The following ALDH8A1 variants were observed in gnomAD, a reference collection of about 807,000 sequenced individuals.
ALDH8A1 encodes 2-aminomuconic semialdehyde dehydrogenase.
A neutral mutation model predicts 43.3 loss-of-function variants in ALDH8A1; 39 were observed. The ratio of observed to expected loss-of-function variants is 0.90; its 90% CI spans 0.70 to 1.18. ALDH8A1 has a LOEUF of 1.18. ALDH8A1 is among the 50% of genes most tolerant of loss of function. ALDH8A1 has a pLI of 0.00. For synonymous variants in ALDH8A1, 233 were observed against 243.5 expected (o/e 0.96, Z 0.40); for missense variants, 605 against 622.6 (o/e 0.97, Z 0.30).
intron 4 of ALDH8A1, among the ~76,000 whole-genome samples, chr6:134,938,481 G>A (rs1773789498): frequency 6.6e-6 from 1 of 152,128 alleles, no homozygotes; most frequent in African/African-American, 2.4e-5. Context: ...CAGTCCCAAA[G>A]GCAGGAAAAA....
chr6:134,939,840 T>C (rs1214798302), intron 3 of ALDH8A1, among the ~76,000 whole-genome samples: 4 of 152,122 alleles, frequency 2.6e-5, no homozygotes, highest in Non-Finnish European at 4.4e-5. Context: ...TCATCAATAA[T>C]GGATTGGATA....
chr6:134,949,302 A>G (rs763168234), intron 1 of ALDH8A1, among the ~76,000 whole-genome samples: 12 of 152,212 alleles, frequency 7.9e-5, no homozygotes, highest in Non-Finnish European at 1.6e-4. Flanking sequence ...TTAATTCTAC[A>G]TCACCAAAAA....
At chr6:134,934,513 C>T (rs758222995) in intron 4 of ALDH8A1, among the ~76,000 whole-genome samples, 3 of 152,132 alleles carry the variant, frequency 2.0e-5, no homozygotes, top group South Asian at 2.1e-4. Flanking sequence ...CCCGAGGATA[C>T]GTAGTGAGGG....
At chr6:134,923,744 C>T (rs1233208732) in intron 6 of ALDH8A1, among the ~76,000 whole-genome samples, 1 of 152,112 alleles carries the variant, frequency 6.6e-6, no homozygotes, top group Non-Finnish European at 1.5e-5. Context: ...TTGTCCACAG[C>T]TTCTGCAGCT....
intron 5 of ALDH8A1, among the ~76,000 whole-genome samples, chr6:134,932,206 C>T (rs1327921498): frequency 1.3e-5 from 2 of 152,080 alleles, no homozygotes; most frequent in African/African-American, 4.8e-5. Context: ...CTTTGGAATG[C>T]CATAGCCTTA....
Position 134,918,651 on chromosome 6 carries a change from C to G in ALDH8A1, c.1228G>C (p.Glu410Gln). ...VPFDSEEEVI[E>Q]RANNVKYGLA... ...CCATACTTAACGTTGTTGGCTCTTT[C>G]AATCACCTCCTCTTCACTATCAAAG... The change falls in exon 7 of 7, where the codon GAA becomes CAA. Residue 410 changes from glutamate to glutamine, a missense_variant. Coordinates refer to ENST00000265605, the MANE Select transcript of ALDH8A1 (RefSeq NM_022568.4). 6.2e-7 allele frequency: 1 copy of G among 1,614,182 alleles called. No individual in the cohort carries two copies. Among genetic ancestry groups the G allele is most frequent in the Non-Finnish European group, 8.5e-7 (1 of 1,180,032 alleles).
chr6:134,933,672 G>A (rs568364266), intron 4 of ALDH8A1, among the ~76,000 whole-genome samples: 6 of 152,152 alleles, frequency 3.9e-5, no homozygotes, highest in South Asian at 2.1e-4. Context: ...CTGTATCTTC[G>A]TGCATTTATG....
intron 1 of ALDH8A1, among the ~76,000 whole-genome samples, chr6:134,945,024 A>G (rs1424673298): frequency 6.7e-6 from 1 of 149,154 alleles, no homozygotes; most frequent in East Asian, 1.9e-4. Context: ...GCTCTGACAT[A>G]TCTTATAAAG....
chr6:134,945,272 T>C (rs1419802507), intron 1 of ALDH8A1, among the ~76,000 whole-genome samples: 2 of 152,140 alleles, frequency 1.3e-5, no homozygotes, highest in African/African-American at 2.4e-5. Context: ...ACACAGCTAA[T>C]AAGTGGCAGA....
chr6:134,940,040 AG>A (rs1773826358), intron 3 of ALDH8A1: 1 of 183,936 alleles, frequency 5.4e-6, no homozygotes, highest in Non-Finnish European at 1.2e-5. Flanking sequence ...ACATGGACAC[AG>A]GGAAAGGAAC....
At position 134,949,896 on chromosome 6, in the gene ALDH8A1, CTTT is replaced by C; in HGVS notation, c.138+17_138+19del. On this transcript the variant is annotated intron_variant, in intron 1 of 6. Transcript: ENST00000265605. The stretch of plus-strand genomic sequence containing the variant: ...AACATATTAAACACATTTCAGTCTT[CTTT>C]AAGTGCATATACTCACCTCGTCTTT... 6.5e-7 allele frequency: 1 copy of C among 1,547,564 alleles called. No homozygotes were observed. The highest frequency in any genetic ancestry group is 8.7e-7 in the Non-Finnish European group (1 of 1,145,410).
At chr6:134,945,386 T>C (rs779156458) in intron 1 of ALDH8A1, among the ~76,000 whole-genome samples, 63 of 152,208 alleles carry the variant, frequency 4.1e-4, no homozygotes, top group Non-Finnish European at 7.5e-4. Context: ...GAAGAGGAGA[T>C]TTGTGGCTGG....
intron 6 of ALDH8A1, among the ~76,000 whole-genome samples, chr6:134,925,146 G>A (rs1776862717): frequency 6.6e-6 from 1 of 152,020 alleles, no homozygotes; most frequent in South Asian, 2.1e-4. Context: ...GTATACTATT[G>A]AGGTATTAAC....
rs557460635 is a variant in ALDH8A1 at position 134,937,381 on chromosome 6, G to A, written c.592+1885C>T. 6.6e-5 allele frequency among the ~76,000 whole-genome samples: 10 copies of A among 152,310 alleles called. No homozygotes were observed. In the South Asian group the frequency reaches 2.1e-3, roughly 32 times the overall value. On this transcript the variant is annotated intron_variant, in intron 4 of 6. Transcript: ENST00000265605. ...TCCTTCCAATCCCAGTGGAGAAACTGAGGGCTCAAGAGAGGAGCAAGGTGA... is the reference window on the plus strand; with the variant it reads ...TCCTTCCAATCCCAGTGGAGAAACTAAGGGCTCAAGAGAGGAGCAAGGTGA...
intron 6 of ALDH8A1, among the ~76,000 whole-genome samples, chr6:134,925,345 G>C (rs1776865807): frequency 6.6e-6 from 1 of 152,190 alleles, no homozygotes; most frequent in African/African-American, 2.4e-5. Context: ...TGATACTAGA[G>C]GCTCCAGGCT....
In ALDH8A1 at chr6:134,918,620, G is replaced by C. The variant is rs41286234; in HGVS notation, c.1259C>G (p.Ala420Gly). The change falls in exon 7 of 7, where the codon GCG becomes GGG. Residue 420 changes from alanine (A) to glycine (G), a missense_variant. Transcript: ENST00000265605. ...CACATTGCTGGACCACACGGTAGCC[G>C]CCAGCCCATACTTAACGTTGTTGGC... Reference protein sequence around the residue: ...ERANNVKYGLAATVWSSNVGR... With the variant: ...ERANNVKYGLGATVWSSNVGR... 24,283 of 1,614,154 alleles carry C rather than the reference G, an allele frequency of 0.015. 236 individuals are homozygous for C. Among genetic ancestry groups the C allele is most frequent in the Non-Finnish European group, 0.017 (20,030 of 1,180,040 alleles).
At chr6:134,944,858 C>T (rs1773924322) in intron 1 of ALDH8A1, among the ~76,000 whole-genome samples, 1 of 151,244 alleles carries the variant, frequency 6.6e-6, no homozygotes, top group African/African-American at 2.4e-5. Context: ...CACTGCACTC[C>T]AGCCTAGGTG....
chr6:134,946,016 G>C (rs995667426), intron 1 of ALDH8A1, among the ~76,000 whole-genome samples: 1 of 152,176 alleles, frequency 6.6e-6, no homozygotes, highest in African/African-American at 2.4e-5. Flanking sequence ...AGACATGCCT[G>C]CTTCCTCTTC....
intron 1 of ALDH8A1, among the ~76,000 whole-genome samples, chr6:134,946,264 C>A (rs1773947373): frequency 6.6e-6 from 1 of 152,138 alleles, no homozygotes; most frequent in African/African-American, 2.4e-5. Flanking sequence ...TGTGGACCTG[C>A]AGACAGGATA....
Sources: allele counts gnomAD v4.1 joint callset (sites outside exome capture counted in the v4.1 genomes callset), GRCh38; gene constraint gnomAD v4.1.1; transcripts MANE v1.5; gene names NCBI Gene and HGNC (gene_info 2026-07-23, HGNC 2026-07-21).